PDLIM5: variants seen among roughly 807,000 people sequenced by gnomAD.
PDLIM5 encodes PDZ and LIM domain protein 5.
In PDLIM5, 34 loss-of-function variants were observed where a neutral mutation model predicts 64.2. The observed-to-expected ratio is 0.53, with a 90% CI of 0.40 to 0.71. The LOEUF is 0.71. Ranked by LOEUF, PDLIM5 falls within the 30% of genes least tolerant of loss-of-function variation. PDLIM5 has a pLI of 0.00. For synonymous variants in PDLIM5, 253 were observed against 269.1 expected, an observed-to-expected ratio of 0.94 and a Z score of 0.59; for missense variants, 683 against 733.6, an observed-to-expected ratio of 0.93 and a Z score of 0.80.
chr4:94,614,937 G>A (rs1738654372), intron 7 of PDLIM5, among the ~76,000 whole-genome samples: 2 of 152,166 alleles, frequency 1.3e-5, no homozygotes, highest in Admixed American at 1.3e-4. Flanking sequence ...AAAATTCTTA[G>A]TGCAGATGAA....
At chr4:94,452,814 C>T (rs907990743) in intron 1 of PDLIM5, among the ~76,000 whole-genome samples, 13 of 152,162 alleles carry the variant, frequency 8.5e-5, no homozygotes, top group Non-Finnish European at 1.8e-4. Context: ...AACCCGCCTG[C>T]CACGGAAACG....
chr4:94,548,341 T>C (rs1732506227), intron 3 of PDLIM5, among the ~76,000 whole-genome samples: 1 of 152,126 alleles, frequency 6.6e-6, no homozygotes, highest in African/African-American at 2.4e-5. Context: ...AATCCATTTG[T>C]CCTGACATTT....
chr4:94,611,955 C>A (rs1738398839), intron 7 of PDLIM5, among the ~76,000 whole-genome samples: 1 of 152,146 alleles, frequency 6.6e-6, no homozygotes, highest in Non-Finnish European at 1.5e-5. Flanking sequence ...CAGTGGCTCA[C>A]ACCTGTAATC....
intron 5 of PDLIM5, among the ~76,000 whole-genome samples, chr4:94,580,516 G>T (rs1380703997): frequency 6.6e-6 from 1 of 151,998 alleles, no homozygotes; most frequent in Non-Finnish European, 1.5e-5. Context: ...GGAGACTTAG[G>T]CTATTTACTA....
chr4:94,609,858 A>G (rs1169505713), intron 7 of PDLIM5, among the ~76,000 whole-genome samples: 1 of 152,220 alleles, frequency 6.6e-6, no homozygotes, highest in Non-Finnish European at 1.5e-5. Context: ...TTGGCAAGTC[A>G]GTCTTCAAAT....
In PDLIM5 at chr4:94,601,556, CCTT is replaced by C. The variant is rs769808452; in HGVS notation, c.920+15116_920+15118del. Reference sequence around the variant, plus strand: ...AGAAAAATGATTTCTTTGAGTTAGTCCTTCTTTGCTCTTACAAAAAATCAACCT... The same window carrying C: ...AGAAAAATGATTTCTTTGAGTTAGTCCTTTGCTCTTACAAAAAATCAACCT... On this transcript the variant is annotated intron_variant, in intron 7 of 12. Coordinates refer to ENST00000317968, the MANE Select transcript of PDLIM5 (RefSeq NM_006457.5). Among the ~76,000 whole-genome samples the C allele has an allele frequency of 2.0e-4, 30 of 152,226 alleles. 2 individuals carry two copies. The highest frequency in any genetic ancestry group is 3.4e-3 in the Middle Eastern group (1 of 294).
chr4:94,487,537 C>T (rs1000307274), intron 2 of PDLIM5, among the ~76,000 whole-genome samples: 1 of 152,178 alleles, frequency 6.6e-6, no homozygotes, highest in African/African-American at 2.4e-5. Context: ...CTGGCCATTC[C>T]TTAAGAGGTG....
At chr4:94,478,212 C>T (rs561723532) in intron 2 of PDLIM5, among the ~76,000 whole-genome samples, 9 of 144,548 alleles carry the variant, frequency 6.2e-5, no homozygotes, top group Non-Finnish European at 1.2e-4. Flanking sequence ...GCCAAGATCA[C>T]GGTATTGCAC....
In PDLIM5 at chr4:94,664,870, CA is replaced by C. The variant is rs1186630440; in HGVS notation, c.*812del. 2.5e-4 allele frequency: 216 copies of C among 867,594 alleles called. No homozygotes were observed. In the East Asian group the frequency reaches 6.6e-3, roughly 26 times the overall value. 53.7% of individuals were successfully genotyped at this position (867,594 alleles called of 1,614,324 possible). On this transcript the variant is annotated 3_prime_UTR_variant, in exon 13 of 13. Transcript: ENST00000317968. ...GGGTGACAGAGTGAGACTCTGTCTCCAAAAAAAAACTTTGCTTGTATATTAT... is the reference window on the plus strand; with the variant it reads ...GGGTGACAGAGTGAGACTCTGTCTCCAAAAAAAACTTTGCTTGTATATTAT...
At chr4:94,662,055 G>C (rs563636068) in intron 11 of PDLIM5, among the ~76,000 whole-genome samples, 1 of 151,980 alleles carries the variant, frequency 6.6e-6, no homozygotes, top group African/African-American at 2.4e-5. Flanking sequence ...TCTTGACCTC[G>C]TGATCTGCCT....
chr4:94,536,907 A>G (rs1731368582), intron 3 of PDLIM5, among the ~76,000 whole-genome samples: 1 of 152,180 alleles, frequency 6.6e-6, no homozygotes, highest in African/African-American at 2.4e-5. Flanking sequence ...TGAAAAGTAC[A>G]TGGGAGTGAT....
chr4:94,466,609 A>G (rs1724389846), intron 2 of PDLIM5, among the ~76,000 whole-genome samples: 1 of 152,198 alleles, frequency 6.6e-6, no homozygotes, highest in African/African-American at 2.4e-5. Context: ...TGTTACTTAG[A>G]TCATTTCAGC....
At chr4:94,632,469 G>C (rs1212697144) in intron 8 of PDLIM5, among the ~76,000 whole-genome samples, 1 of 152,160 alleles carries the variant, frequency 6.6e-6, no homozygotes, top group African/African-American at 2.4e-5. Context: ...GGGCAACAGA[G>C]TAGAGACCTT....
chr4:94,666,156 G>T lies in PDLIM5; in HGVS notation c.*2089G>T. 1.4e-6 allele frequency: 1 copy of T among 696,404 alleles called. No individual in the cohort carries two copies. The allele number at this position is 696,404 out of a possible 1,614,324, so 43.1% of individuals were successfully genotyped here. A position where few individuals can be genotyped will look rare whatever the true frequency, so the allele number is the denominator to read the frequency against. On this transcript the variant is annotated 3_prime_UTR_variant, in exon 13 of 13. Coordinates refer to ENST00000317968, the MANE Select transcript of PDLIM5 (RefSeq NM_006457.5). Reference sequence around the variant, plus strand: ...ACTTACGACATCACTTCCATTGTGTGCATGTTTGTTATAGAGGAGGTTTTA... The same window carrying T: ...ACTTACGACATCACTTCCATTGTGTTCATGTTTGTTATAGAGGAGGTTTTA...
At chr4:94,473,815 A>G (rs1405304224) in intron 2 of PDLIM5, among the ~76,000 whole-genome samples, 1 of 152,170 alleles carries the variant, frequency 6.6e-6, no homozygotes, top group Non-Finnish European at 1.5e-5. Context: ...GTCAGTGGTG[A>G]TATTTGCATT....
intron 10 of PDLIM5, among the ~76,000 whole-genome samples, chr4:94,655,084 A>G (rs1165319821): frequency 1.3e-5 from 2 of 152,200 alleles, no homozygotes; most frequent in Admixed American, 1.3e-4. Flanking sequence ...CACTGATTTC[A>G]TGAAATATAT....
At chr4:94,473,178 G>A (rs1725028409) in intron 2 of PDLIM5, among the ~76,000 whole-genome samples, 2 of 152,222 alleles carry the variant, frequency 1.3e-5, no homozygotes, top group Admixed American at 1.3e-4. Context: ...GTGAGCATTT[G>A]CTTGGCATGT....
chr4:94,581,592 T>A (rs923589252), intron 5 of PDLIM5, among the ~76,000 whole-genome samples: 7 of 152,140 alleles, frequency 4.6e-5, no homozygotes, highest in African/African-American at 1.7e-4. Context: ...ACCCTCTGAG[T>A]TTATGAAACT....
chr4:94,583,031 G>C (rs1273332972), intron 5 of PDLIM5: 3 of 216,980 alleles, frequency 1.4e-5, no homozygotes, highest in Non-Finnish European at 2.7e-5. Context: ...CTTTCCTTTA[G>C]CTTATTATTA....
Sources: gnomAD v4.1 joint callset for allele counts (sites outside exome capture counted in the v4.1 genomes callset) on GRCh38, gnomAD v4.1.1 for gene constraint, MANE v1.5 for transcripts, NCBI Gene and HGNC (gene_info 2026-07-23, HGNC 2026-07-21) for gene names.